ADAM22: variants seen among roughly 807,000 people sequenced by gnomAD.
ADAM22 encodes ADAM metallopeptidase domain 22, also known as disintegrin and metalloproteinase domain-containing protein 22.
ADAM22 carries 65 observed loss-of-function variants against 144.6 expected under a neutral mutation model. That is an observed-to-expected ratio of 0.45 (90% CI 0.37 to 0.55). The LOEUF (loss-of-function observed/expected upper bound fraction) is 0.55. Ranked by LOEUF, ADAM22 falls within the 20% of genes least tolerant of loss-of-function variation. The pLI, the probability that ADAM22 is intolerant of heterozygous loss-of-function variation, is 0.00. For missense variants in ADAM22, 974 were observed against 1,184.9 expected, an observed-to-expected ratio of 0.82 and a Z score of 2.61; for synonymous variants, 391 against 412.6, an observed-to-expected ratio of 0.95 and a Z score of 0.63.
At chr7:88,131,991 T>C (rs1458458495) in intron 11 of ADAM22, 1 of 152,090 alleles carries the variant, frequency 6.6e-6, no homozygotes, top group Non-Finnish European at 1.5e-5. Context: ...TATATATAAT[T>C]CCAAATTTAG....
chr7:88,064,190 A>AAG (rs1810599450), intron 3 of ADAM22, among the ~76,000 whole-genome samples: 1 of 152,194 alleles, frequency 6.6e-6, no homozygotes, highest in African/African-American at 2.4e-5. Context: ...AAGGCTTTAT[A>AAG]GTTACGTAGA....
chr7:88,196,556 C>A lies in ADAM22; in HGVS notation c.*65C>A. Reference sequence around the variant, plus strand: ...TTCAACTTTTATAGAAACCCAGGCTCATGGAATCACTGCAAATCTATCTGC... The same window carrying A: ...TTCAACTTTTATAGAAACCCAGGCTAATGGAATCACTGCAAATCTATCTGC... On this transcript the variant is annotated 3_prime_UTR_variant, in exon 32 of 32. Coordinates refer to ENST00000413139, the MANE Select transcript of ADAM22 (RefSeq NM_001324418.2). 1 of 1,532,064 alleles carries A rather than the reference C, an allele frequency of 6.5e-7. No homozygotes were observed. Among genetic ancestry groups the A allele is most frequent in the Non-Finnish European group, 9.0e-7 (1 of 1,106,490 alleles). 94.9% of individuals were successfully genotyped at this position (1,532,064 alleles called of 1,614,324 possible). A position where few individuals can be genotyped will look rare whatever the true frequency, so the allele number is the denominator to read the frequency against.
chr7:88,004,079 T>C (rs139583064), intron 3 of ADAM22, among the ~76,000 whole-genome samples: 1 of 152,338 alleles, frequency 6.6e-6, no homozygotes, highest in African/African-American at 2.4e-5. Context: ...GGAGCCTTCT[T>C]GGGGATTTGA....
At chr7:88,149,647 C>G (rs1291237660) in intron 18 of ADAM22, among the ~76,000 whole-genome samples, 1 of 152,154 alleles carries the variant, frequency 6.6e-6, no homozygotes, top group Non-Finnish European at 1.5e-5. Flanking sequence ...ACCATGCAAG[C>G]TGAGACTATG....
intron 7 of ADAM22, among the ~76,000 whole-genome samples, chr7:88,119,952 T>C (rs563355636): frequency 6.6e-6 from 1 of 152,336 alleles, no homozygotes; most frequent in Admixed American, 6.5e-5. Flanking sequence ...TGCTGGGCCA[T>C]AGGGTAGGTA....
chr7:88,143,407 C>G (rs1483424053), intron 15 of ADAM22, among the ~76,000 whole-genome samples: 2 of 152,130 alleles, frequency 1.3e-5, no homozygotes, highest in African/African-American at 2.4e-5. Flanking sequence ...AGTTAGTTTA[C>G]AAAAATGGTT....
At chr7:87,964,840 G>A (rs1848693608) in intron 2 of ADAM22, among the ~76,000 whole-genome samples, 1 of 152,186 alleles carries the variant, frequency 6.6e-6, no homozygotes, top group Non-Finnish European at 1.5e-5. Flanking sequence ...GTATGTGGAA[G>A]CCTCTGAGTT....
intron 3 of ADAM22, among the ~76,000 whole-genome samples, chr7:88,021,573 A>G (rs1797837295): frequency 6.6e-6 from 1 of 152,232 alleles, no homozygotes; most frequent in Non-Finnish European, 1.5e-5. Context: ...TGGCTCAGAA[A>G]TAAAACATGT....
chr7:87,959,684 G>T (rs1181651871), intron 2 of ADAM22, among the ~76,000 whole-genome samples: 1 of 152,152 alleles, frequency 6.6e-6, no homozygotes, highest in Non-Finnish European at 1.5e-5. Context: ...GGAACAGACA[G>T]GTGATCTAGA....
In ADAM22 at chr7:88,199,787, CT is replaced by C. The variant is rs1353935921; in HGVS notation, c.*3299del. 3 of 152,108 alleles carry C rather than the reference CT, an allele frequency of 2.0e-5. No individual in the cohort carries two copies. The highest frequency in any genetic ancestry group is 4.8e-5 in the African/African-American group (2 of 41,424). 9.4% of individuals were successfully genotyped at this position (152,108 alleles called of 1,614,324 possible). The stretch of plus-strand genomic sequence containing the variant: ...CTTATTTTTCACTTTGATATTGGTG[CT>C]TTATTAAGTGATACCATAGTTTCTC... On this transcript the variant is annotated 3_prime_UTR_variant, in exon 32 of 32. Transcript: ENST00000413139.
At chr7:88,096,000 C>T (rs1821177181) in intron 4 of ADAM22, among the ~76,000 whole-genome samples, 1 of 141,278 alleles carries the variant, frequency 7.1e-6, no homozygotes, top group Admixed American at 7.9e-5. Flanking sequence ...GCGATCATAG[C>T]TCACTGTAAA....
chr7:88,038,375 C>T (rs2129471097), intron 3 of ADAM22, among the ~76,000 whole-genome samples: 1 of 151,762 alleles, frequency 6.6e-6, no homozygotes, highest in Non-Finnish European at 1.5e-5. Context: ...TGGATTTAAA[C>T]TTAGACTGGA....
At chr7:87,976,869 T>C (rs1361792674) in intron 2 of ADAM22, among the ~76,000 whole-genome samples, 7 of 148,116 alleles carry the variant, frequency 4.7e-5, no homozygotes, top group African/African-American at 7.5e-5. Flanking sequence ...GTTTTTTATT[T>C]CTTTTTTTTT....
At position 88,049,436 on chromosome 7, in the gene ADAM22, T is replaced by C. The variant is rs575219994; in HGVS notation, c.324-26190T>C. ...ATGGAGTTTCACTCTTTTACTCTTG[T>C]TGCCCAGGCTGGAGTGCAGTGGCAC... is the stretch of plus-strand genomic sequence containing the variant. On this transcript the variant is annotated intron_variant, in intron 3 of 31. Transcript: ENST00000413139. 9.8e-5 allele frequency among the ~76,000 whole-genome samples: 15 copies of C among 152,324 alleles called. No homozygotes were observed. The East Asian group carries it at 2.7e-3, about 27-fold the overall frequency.
chr7:88,072,911 G>C (rs1413939146), intron 3 of ADAM22, among the ~76,000 whole-genome samples: 6 of 152,156 alleles, frequency 3.9e-5, no homozygotes, highest in African/African-American at 1.4e-4. Context: ...GCAATTACCA[G>C]TTTTGCCTGA....
intron 2 of ADAM22, among the ~76,000 whole-genome samples, chr7:87,955,984 C>T (rs944456251): frequency 3.9e-5 from 6 of 152,176 alleles, no homozygotes; most frequent in Admixed American, 1.3e-4. Context: ...ATCGGAAAAG[C>T]GCAGTATTCG....
intron 24 of ADAM22, among the ~76,000 whole-genome samples, chr7:88,166,492 G>T (rs1163366025): frequency 6.6e-6 from 1 of 151,970 alleles, no homozygotes; most frequent in Non-Finnish European, 1.5e-5. Flanking sequence ...CCCAAATGGG[G>T]GTATAGAAAT....
At chr7:88,109,709 C>CT (rs1193899193) in intron 5 of ADAM22, among the ~76,000 whole-genome samples, 9 of 141,826 alleles carry the variant, frequency 6.3e-5, no homozygotes, top group African/African-American at 1.8e-4. Flanking sequence ...GGTATATTTG[C>CT]TTTTTTTTTG....
At chr7:88,120,696 T>G (rs921612459) in intron 7 of ADAM22, among the ~76,000 whole-genome samples, 1 of 152,238 alleles carries the variant, frequency 6.6e-6, no homozygotes, top group African/African-American at 2.4e-5. Flanking sequence ...CAAATATGCC[T>G]TATGAATATA....
Sources: gnomAD v4.1 joint callset for allele counts (sites outside exome capture counted in the v4.1 genomes callset) on GRCh38, gnomAD v4.1.1 for gene constraint, MANE v1.5 for transcripts, NCBI Gene and HGNC (gene_info 2026-07-23, HGNC 2026-07-21) for gene names.